The following RRM2 variants were observed in gnomAD, a reference collection of about 807,000 sequenced individuals.
RRM2 encodes ribonucleoside-diphosphate reductase subunit M2.
A neutral mutation model predicts 45.9 loss-of-function variants in RRM2; 6 were observed. The ratio of observed to expected loss-of-function variants is 0.13; its 90% CI spans 0.07 to 0.26. The LOEUF is 0.26. Ranked by LOEUF, RRM2 falls within the 10% of genes least tolerant of loss-of-function variation. RRM2 has a pLI of 1.00. For missense variants in RRM2, 343 were observed against 489.5 expected, an observed-to-expected ratio of 0.70 and a Z score of 2.82; for synonymous variants, 177 against 173.0, an observed-to-expected ratio of 1.02 and a Z score of -0.18.
intron 3 of RRM2, among the ~76,000 whole-genome samples, chr2:10,162,022 T>C (rs1015976592): frequency 5.9e-5 from 9 of 152,212 alleles, no homozygotes; most frequent in African/African-American, 2.2e-4. Flanking sequence ...AACCGAGGCT[T>C]GCGCCTGGCT....
upstream of RRM2, chr2:10,122,663 G>A (rs1433948086): frequency 1.9e-6 from 3 of 1,549,288 alleles, no homozygotes; most frequent in Non-Finnish European, 2.6e-6. Context: ...GAAGGGCCGG[G>A]GCACCAAAGC....
upstream of RRM2, chr2:10,122,734 C>T (rs1350449260): frequency 1.3e-6 from 2 of 1,552,326 alleles, no homozygotes; most frequent in Non-Finnish European, 1.7e-6. Flanking sequence ...AGTGAGGGGT[C>T]GCCCGTGCAC....
chr2:10,189,106 G>A (rs1394972903), intron 3 of RRM2, among the ~76,000 whole-genome samples: 2 of 151,620 alleles, frequency 1.3e-5, no homozygotes, highest in African/African-American at 4.9e-5. Context: ...AGGGCTAAGC[G>A]AGGGCCCATG....
At chr2:10,162,048 C>T (rs1180431720) in intron 3 of RRM2, among the ~76,000 whole-genome samples, 1 of 152,266 alleles carries the variant, frequency 6.6e-6, no homozygotes, top group Non-Finnish European at 1.5e-5. Context: ...CTTCCCTCTT[C>T]AGGCCCTTCT....
At chr2:10,178,941 A>G (rs1008132297) in intron 3 of RRM2, among the ~76,000 whole-genome samples, 1 of 152,148 alleles carries the variant, frequency 6.6e-6, no homozygotes, top group African/African-American at 2.4e-5. Context: ...CCCTCAACAG[A>G]CACCGATTCT....
At chr2:10,201,372 G>A (rs1281401821) in intron 3 of RRM2, among the ~76,000 whole-genome samples, 2 of 152,150 alleles carry the variant, frequency 1.3e-5, no homozygotes, top group African/African-American at 4.8e-5. Context: ...ACTCTGAAAA[G>A]CAAACAAAGG....
At chr2:10,138,375 C>A (rs1663026902), upstream of RRM2, among the ~76,000 whole-genome samples, 1 of 152,132 alleles carries the variant, frequency 6.6e-6, no homozygotes, top group East Asian at 1.9e-4. Flanking sequence ...GCATGTTGGT[C>A]AGGCTGGTCT....
chr2:10,183,066 G>A (rs772630514), intron 3 of RRM2, among the ~76,000 whole-genome samples: 5 of 152,176 alleles, frequency 3.3e-5, no homozygotes, highest in Non-Finnish European at 5.9e-5. Flanking sequence ...AGCTACTTGG[G>A]AGGCTAAGGC....
At position 10,165,750 on chromosome 2, in the gene RRM2, C is replaced by T. The variant is rs372529205; in HGVS notation, n.482+23375C>T. ...CAGAGACTGGTTCACCCAGAGAGAC[C>T]GGGATGCTGCCTTCCAAAATGGAAG... On this transcript the variant is annotated intron_variant and non_coding_transcript_variant, in intron 3 of 3. Transcript: ENST00000381786. 2.8e-4 allele frequency among the ~76,000 whole-genome samples: 43 copies of T among 152,348 alleles called. No homozygotes were observed. In the East Asian group the frequency reaches 4.4e-3, roughly 16 times the overall value.
At chr2:10,198,405 A>ATTT (rs756036632) in intron 3 of RRM2, among the ~76,000 whole-genome samples, 2 of 136,078 alleles carry the variant, frequency 1.5e-5, no homozygotes, top group African/African-American at 2.7e-5. Flanking sequence ...TCTTTGGCCC[A>ATTT]TTTTTTTTTT....
chr2:10,132,449 G>A (rs1043595278), downstream of RRM2, among the ~76,000 whole-genome samples: 1 of 152,132 alleles, frequency 6.6e-6, no homozygotes, highest in African/African-American at 2.4e-5. Flanking sequence ...ACTGGGACTA[G>A]TGTCTGAGGT....
intron 3 of RRM2, among the ~76,000 whole-genome samples, chr2:10,190,116 G>A (rs1164208293): frequency 6.7e-6 from 1 of 150,046 alleles, no homozygotes; most frequent in Non-Finnish European, 1.5e-5. Context: ...GGAGATGATA[G>A]TGATGGTGAT....
chr2:10,158,787 C>A (rs1019540632), intron 3 of RRM2, among the ~76,000 whole-genome samples: 3 of 152,132 alleles, frequency 2.0e-5, no homozygotes, highest in African/African-American at 7.2e-5. Context: ...GAAGGCCTGG[C>A]TGCCCCAGCT....
At chr2:10,160,567 G>A (rs1663533970) in intron 3 of RRM2, among the ~76,000 whole-genome samples, 1 of 152,192 alleles carries the variant, frequency 6.6e-6, no homozygotes, top group African/African-American at 2.4e-5. Context: ...ATTTAAGGCG[G>A]TTCCCTCATG....
At chr2:10,179,740 C>T (rs1664005128) in intron 3 of RRM2, among the ~76,000 whole-genome samples, 2 of 152,288 alleles carry the variant, frequency 1.3e-5, no homozygotes, top group East Asian at 1.9e-4. Context: ...ATGTGTATCA[C>T]TTTCACACCA....
intron 3 of RRM2, among the ~76,000 whole-genome samples, chr2:10,191,812 TGGGCCTTTCCA>T (rs1020036764): frequency 1.3e-5 from 2 of 152,166 alleles, no homozygotes; most frequent in African/African-American, 2.4e-5. Context: ...GTGGGAGCTG[TGGGCCTTTCCA>T]GGGCCCGGCT....
downstream of RRM2, among the ~76,000 whole-genome samples, chr2:10,131,631 C>T (rs1391417837): frequency 6.6e-6 from 1 of 152,048 alleles, no homozygotes. Flanking sequence ...CCCAGCTACT[C>T]GTGAGGCTGA....
At chr2:10,183,726 T>C (rs1421452039) in intron 3 of RRM2, among the ~76,000 whole-genome samples, 1 of 150,348 alleles carries the variant, frequency 6.7e-6, no homozygotes. Context: ...GGCACGTCCC[T>C]GGAGGCTGCA....
intron 3 of RRM2, among the ~76,000 whole-genome samples, chr2:10,152,772 C>G (rs1663340325): frequency 1.3e-5 from 2 of 151,990 alleles, no homozygotes; most frequent in Admixed American, 6.6e-5. Flanking sequence ...CAAGAGCCAC[C>G]ACACCTGGCC....
Sources: allele counts gnomAD v4.1 joint callset (sites outside exome capture counted in the v4.1 genomes callset), GRCh38; gene constraint gnomAD v4.1.1; transcripts MANE v1.5; gene names NCBI Gene and HGNC (gene_info 2026-07-23, HGNC 2026-07-21).